Variants in CYRIB observed in about 807,000 individuals in gnomAD.
CYRIB encodes CYFIP related Rac1 interactor B.
In CYRIB, 8 loss-of-function variants were observed where a neutral mutation model predicts 44.2. That is an observed-to-expected ratio of 0.18 (90% CI 0.11 to 0.33). CYRIB has a LOEUF of 0.33. Among genes scored for constraint, CYRIB ranks in the 10% least tolerant of loss-of-function variants. The pLI, the probability that CYRIB is intolerant of heterozygous loss-of-function variation, is 1.00. For missense variants in CYRIB, 185 were observed against 382.8 expected, an observed-to-expected ratio of 0.48 and a Z score of 4.31; for synonymous variants, 131 against 127.2, an observed-to-expected ratio of 1.03 and a Z score of -0.20.
chr8:129,919,661 C>G (rs1192048818), intron 1 of CYRIB, among the ~76,000 whole-genome samples: 1 of 152,090 alleles, frequency 6.6e-6, no homozygotes, highest in Non-Finnish European at 1.5e-5. Context: ...ACCAGTACTA[C>G]TAACAACTTC....
chr8:129,859,063 G>C (rs987728472), intron 5 of CYRIB, among the ~76,000 whole-genome samples: 1 of 152,096 alleles, frequency 6.6e-6, no homozygotes, highest in Non-Finnish European at 1.5e-5. Context: ...TAGTGGCCCC[G>C]AATGCTAGGC....
chr8:129,993,935 C>T (rs868161075), intron 1 of CYRIB, among the ~76,000 whole-genome samples: 18 of 152,020 alleles, frequency 1.2e-4, no homozygotes, highest in Non-Finnish European at 2.6e-4. Context: ...ACCATCTGGA[C>T]ACCATCATCC....
intron 2 of CYRIB, chr8:129,970,714 G>A (rs565558095): frequency 2.6e-5 from 4 of 152,100 alleles, no homozygotes; most frequent in African/African-American, 9.6e-5. Flanking sequence ...CTAATAATTT[G>A]ACCTAAAAAC....
At chr8:129,910,006 G>T (rs2077160202) in intron 1 of CYRIB, among the ~76,000 whole-genome samples, 1 of 152,220 alleles carries the variant, frequency 6.6e-6, no homozygotes, top group Non-Finnish European at 1.5e-5. Context: ...TCACCTCAGG[G>T]GATGCCTGGA....
intron 2 of CYRIB, among the ~76,000 whole-genome samples, chr8:129,888,498 C>G (rs933830518): frequency 1.3e-5 from 2 of 152,178 alleles, no homozygotes; most frequent in African/African-American, 4.8e-5. Context: ...TGCACACATG[C>G]GCATCTAACC....
At chr8:129,842,249 A>G (rs780274456) in intron 11 of CYRIB, 44 bp from the exon 14 acceptor site, 2 of 1,371,314 alleles carry the variant, frequency 1.5e-6, no homozygotes, top group African/African-American at 2.8e-5. Context: ...GAACTTAAAA[A>G]ATAATCAGCA....
chr8:130,015,527 C>T (rs1463502566), intron 1 of CYRIB, among the ~76,000 whole-genome samples: 1 of 152,166 alleles, frequency 6.6e-6, no homozygotes, highest in Non-Finnish European at 1.5e-5. Flanking sequence ...TGACACTCCC[C>T]CGCAGCCCCA....
At chr8:129,883,112 C>CAAAAAAAAAAAAAAAAAAAAAAAAA (rs34764499) in intron 2 of CYRIB, among the ~76,000 whole-genome samples, 1 of 41,242 alleles carries the variant, frequency 2.4e-5, no homozygotes, top group African/African-American at 9.7e-5. Flanking sequence ...GACTCCCTCT[C>CAAAAAAAAAAAAAAAAAAAAAAAAA]AAAAAAAAAA....
At chr8:129,976,767 G>A (rs958455116) in intron 1 of CYRIB, among the ~76,000 whole-genome samples, 1 of 152,132 alleles carries the variant, frequency 6.6e-6, no homozygotes, top group Non-Finnish European at 1.5e-5. Context: ...TTGAAAAAAA[G>A]AAATAGAATT....
At chr8:129,964,269 A>C (rs1276903801) in intron 2 of CYRIB, among the ~76,000 whole-genome samples, 1 of 152,234 alleles carries the variant, frequency 6.6e-6, no homozygotes, top group Non-Finnish European at 1.5e-5. Flanking sequence ...TCGCAGGACA[A>C]ATTCTCCTTG....
At chr8:129,866,937 G>A (rs2053956659) in intron 4 of CYRIB, among the ~76,000 whole-genome samples, 1 of 152,164 alleles carries the variant, frequency 6.6e-6, no homozygotes, top group African/African-American at 2.4e-5. Flanking sequence ...CATGCAAAAG[G>A]GCACTTAGTA....
At chr8:130,014,114 G>A (rs553259340) in intron 1 of CYRIB, among the ~76,000 whole-genome samples, 1 of 152,210 alleles carries the variant, frequency 6.6e-6, no homozygotes, top group East Asian at 1.9e-4. Flanking sequence ...TCCTTTACAG[G>A]TAACCCTGGC....
intron 1 of CYRIB, among the ~76,000 whole-genome samples, chr8:130,009,660 C>G (rs1002425953): frequency 1.3e-5 from 2 of 152,260 alleles, no homozygotes; most frequent in African/African-American, 4.8e-5. Context: ...AGCTCTCACC[C>G]ACCTGTGACT....
rs547019525 is a variant in CYRIB at position 129,847,992 on chromosome 8, G to A, written c.841-1118C>T. On this transcript the variant is annotated intron_variant, in intron 10 of 11. Coordinates refer to ENST00000519824, the Ensembl canonical transcript of CYRIB. Reference sequence around the variant, plus strand: ...AATTTTTGTATTTTTTTTCAGTAGAGATGAGGTTTCACCATGTTGGCCAGG... The same window carrying A: ...AATTTTTGTATTTTTTTTCAGTAGAAATGAGGTTTCACCATGTTGGCCAGG... 1.1e-4 allele frequency among the ~76,000 whole-genome samples: 16 copies of A among 152,154 alleles called. 1 individual carries two copies. Among genetic ancestry groups the A allele is most frequent in the African/African-American group, 3.9e-4 (16 of 41,506 alleles).
intron 2 of CYRIB, among the ~76,000 whole-genome samples, chr8:129,886,601 C>T (rs1205195896): frequency 6.6e-6 from 1 of 152,076 alleles, no homozygotes; most frequent in African/African-American, 2.4e-5. Flanking sequence ...CTCTATTAAA[C>T]CCACTGCAAT....
intron 1 of CYRIB, among the ~76,000 whole-genome samples, chr8:129,917,691 T>C (rs1244365387): frequency 6.6e-6 from 1 of 152,062 alleles, no homozygotes; most frequent in African/African-American, 2.4e-5. Context: ...ACCCCATCTC[T>C]ACTAAAAATA....
At chr8:129,977,953 G>A (rs941513045) in intron 1 of CYRIB, among the ~76,000 whole-genome samples, 1 of 152,150 alleles carries the variant, frequency 6.6e-6, no homozygotes, top group Non-Finnish European at 1.5e-5. Context: ...CTGTCACCTA[G>A]GCTGGAGTGC....
intron 2 of CYRIB, among the ~76,000 whole-genome samples, chr8:129,967,536 T>G (rs28411256): frequency 1.3e-5 from 2 of 152,080 alleles, no homozygotes; most frequent in South Asian, 4.2e-4. Context: ...CCTGCCACCA[T>G]GCCCGGCTAA....
At chr8:129,907,204 T>G (rs2075859170) in intron 1 of CYRIB, among the ~76,000 whole-genome samples, 1 of 152,140 alleles carries the variant, frequency 6.6e-6, no homozygotes, top group East Asian at 1.9e-4. Context: ...CCAACCCAAA[T>G]GTCCAACGAT....
Sources: gnomAD v4.1 joint callset for allele counts (sites outside exome capture counted in the v4.1 genomes callset) on GRCh38, gnomAD v4.1.1 for gene constraint, MANE v1.5 for transcripts, NCBI Gene and HGNC (gene_info 2026-07-23, HGNC 2026-07-21) for gene names.